AUTS2: variants seen among roughly 807,000 people sequenced by gnomAD.
AUTS2 encodes the protein activator of transcription and developmental regulator AUTS2, also known as autism susceptibility gene 2 protein.
Under a neutral mutation model 112.4 loss-of-function variants are expected in AUTS2, and 17 were observed. The ratio of observed to expected loss-of-function variants is 0.15; its 90% CI spans 0.10 to 0.23. The LOEUF is 0.23. Among genes scored for constraint, AUTS2 ranks in the 10% least tolerant of loss-of-function variants. The pLI is 1.00. For synonymous variants in AUTS2, 751 were observed against 702.7 expected (o/e 1.07, Z -1.09); for missense variants, 1,510 against 1,701.6 (o/e 0.89, Z 1.98).
intron 2 of AUTS2, among the ~76,000 whole-genome samples, chr7:70,041,892 T>C (rs1801264062): frequency 6.6e-6 from 1 of 152,236 alleles, no homozygotes; most frequent in Admixed American, 6.5e-5. Context: ...TGTTTTCTTA[T>C]AAACTATTAT....
chr7:70,637,399 A>G (rs1005625048), intron 5 of AUTS2, among the ~76,000 whole-genome samples: 1 of 152,246 alleles, frequency 6.6e-6, no homozygotes, highest in Admixed American at 6.5e-5. Flanking sequence ...CAGATGCTGC[A>G]AATCCAGAGT....
intron 4 of AUTS2, among the ~76,000 whole-genome samples, chr7:70,309,573 A>G (rs574598252): frequency 5.9e-5 from 9 of 152,324 alleles, no homozygotes; most frequent in African/African-American, 1.4e-4. Context: ...TAACTTACCA[A>G]TGAAAGCTTC....
At chr7:70,067,075 A>G (rs551721354) in intron 2 of AUTS2, among the ~76,000 whole-genome samples, 12 of 152,176 alleles carry the variant, frequency 7.9e-5, no homozygotes, top group Non-Finnish European at 1.6e-4. Context: ...AATGATAATC[A>G]TTTCTTCAAG....
At chr7:70,659,274 G>A (rs544664403) in intron 5 of AUTS2, among the ~76,000 whole-genome samples, 114 of 152,318 alleles carry the variant, frequency 7.5e-4, no homozygotes, top group African/African-American at 2.5e-3. Flanking sequence ...TGAACTGCGC[G>A]TTGGAATCAC....
At chr7:70,722,435 A>C (rs558786276) in intron 6 of AUTS2, among the ~76,000 whole-genome samples, 1 of 152,208 alleles carries the variant, frequency 6.6e-6, no homozygotes, top group Admixed American at 6.5e-5. Context: ...GCTATAAATA[A>C]TTATAGCTGT....
intron 4 of AUTS2, among the ~76,000 whole-genome samples, chr7:70,388,765 C>T (rs1048584939): frequency 2.0e-5 from 3 of 152,146 alleles, no homozygotes; most frequent in African/African-American, 4.8e-5. Flanking sequence ...AATTAACTAA[C>T]GTCAGGTTAT....
chr7:70,771,673 G>T, intron 11 of AUTS2, 29 bp downstream of exon 11: 2 of 1,593,306 alleles, frequency 1.3e-6, no homozygotes, highest in Non-Finnish European at 1.7e-6. Context: ...AAAACACACA[G>T]GCATGTGTCT....
At chr7:70,619,490 G>A (rs544092283) in intron 5 of AUTS2, among the ~76,000 whole-genome samples, 4 of 151,554 alleles carry the variant, frequency 2.6e-5, no homozygotes, top group African/African-American at 4.8e-5. Flanking sequence ...AGAGAGCTGC[G>A]TTCTGAAGCA....
At chr7:70,729,896 A>ATGTG (rs917142157) in intron 6 of AUTS2, among the ~76,000 whole-genome samples, 3 of 151,944 alleles carry the variant, frequency 2.0e-5, no homozygotes, top group African/African-American at 7.2e-5. Flanking sequence ...GTATGTATGT[A>ATGTG]TTTAGAGACG....
At chr7:70,617,022 A>T (rs957884926) in intron 5 of AUTS2, among the ~76,000 whole-genome samples, 1 of 152,210 alleles carries the variant, frequency 6.6e-6, no homozygotes, top group African/African-American at 2.4e-5. Context: ...TAATAGCTTG[A>T]CTAGCAGTGC....
chr7:70,491,627 T>A (rs1402622951), intron 5 of AUTS2, among the ~76,000 whole-genome samples: 6 of 134,166 alleles, frequency 4.5e-5, no homozygotes, highest in South Asian at 2.2e-4. Context: ...GTGTGTGTAT[T>A]TTTTTGAGAC....
At chr7:70,283,041 A>G (rs1267198865) in intron 4 of AUTS2, among the ~76,000 whole-genome samples, 2 of 152,208 alleles carry the variant, frequency 1.3e-5, no homozygotes, top group African/African-American at 2.4e-5. Flanking sequence ...TGTCATTTAT[A>G]TACTATAGTA....
chr7:69,922,825 C>CA (rs1795866826), intron 2 of AUTS2, among the ~76,000 whole-genome samples: 1 of 152,172 alleles, frequency 6.6e-6, no homozygotes, highest in Admixed American at 6.5e-5. Context: ...TATTATCTCT[C>CA]AGTTGATTTT....
chr7:70,312,175 G>T (rs1004580708), intron 4 of AUTS2, among the ~76,000 whole-genome samples: 1 of 152,168 alleles, frequency 6.6e-6, no homozygotes, highest in Non-Finnish European at 1.5e-5. Context: ...TATCTTAAAA[G>T]AATCAAAATA....
chr7:70,210,088 T>C (rs12112758), intron 4 of AUTS2, among the ~76,000 whole-genome samples: 34,452 of 152,038 alleles, frequency 0.23, 3,876 homozygotes, highest in Middle Eastern at 0.33. Context: ...ATTCTGTCTC[T>C]CACCCCAATT....
intron 1 of AUTS2, among the ~76,000 whole-genome samples, chr7:69,619,615 T>G (rs959371092): frequency 6.6e-6 from 1 of 152,192 alleles, no homozygotes; most frequent in Admixed American, 6.5e-5. Context: ...GTGCTATCAA[T>G]TATGTGTTAT....
intron 2 of AUTS2, among the ~76,000 whole-genome samples, chr7:69,997,950 T>C (rs1380488810): frequency 2.0e-5 from 3 of 152,220 alleles, no homozygotes; most frequent in Non-Finnish European, 4.4e-5. Context: ...AACCCAGGTG[T>C]GCTTTGAATG....
At chr7:70,509,710 A>T (rs1799106306) in intron 5 of AUTS2, among the ~76,000 whole-genome samples, 1 of 152,112 alleles carries the variant, frequency 6.6e-6, no homozygotes, top group Non-Finnish European at 1.5e-5. Flanking sequence ...TTTTGAGCAT[A>T]GATAAACCAG....
At chr7:70,111,867 C>G (rs1330791614) in intron 2 of AUTS2, among the ~76,000 whole-genome samples, 1 of 151,920 alleles carries the variant, frequency 6.6e-6, no homozygotes, top group East Asian at 1.9e-4. Context: ...TTTTGCTTGC[C>G]ATCTCTTTTA....
Sources: gnomAD v4.1 joint callset for allele counts (sites outside exome capture counted in the v4.1 genomes callset) on GRCh38, gnomAD v4.1.1 for gene constraint, MANE v1.5 for transcripts, NCBI Gene and HGNC (gene_info 2026-07-23, HGNC 2026-07-21) for gene names.